Variants in PDE4D observed in about 807,000 individuals in gnomAD.
The protein encoded by PDE4D is phosphodiesterase 4D, also known as 3',5'-cyclic-AMP phosphodiesterase 4D.
Under a neutral mutation model 87.4 loss-of-function variants are expected in PDE4D, and 24 were observed. That is an observed-to-expected ratio of 0.27 (90% CI 0.20 to 0.39). PDE4D has a LOEUF of 0.39. PDE4D is among the 10% of genes least tolerant of loss of function. The pLI is 1.00. For synonymous variants in PDE4D, 384 were observed against 383.2 expected (o/e 1.00, Z -0.02); for missense variants, 714 against 1,041.0 (o/e 0.69, Z 4.32).
rs749466646 is a variant in PDE4D, at chr5:60,271,142, G to A, written c.-89-85455C>T. On this transcript the variant is annotated intron_variant, in intron 1 of 16. Coordinates refer to the PDE4D transcript ENST00000502484. ...TTCACATGCCAGGCACTGGTACTAG[G>A]TGCTGATGATACCATCAGCACATTT... Among the ~76,000 whole-genome samples, 29 of 152,092 alleles carry A rather than the reference G, an allele frequency of 1.9e-4. 1 individual carries two copies. The highest frequency in any genetic ancestry group is 7.4e-5 in the Non-Finnish European group (5 of 68,002).
At chr5:60,425,061 A>G (rs560566039) in intron 1 of PDE4D, among the ~76,000 whole-genome samples, 1 of 152,320 alleles carries the variant, frequency 6.6e-6, no homozygotes, top group Admixed American at 6.5e-5. Flanking sequence ...AGAACGTTCC[A>G]TGCTTATGGA....
chr5:59,061,926 C>T (rs977438646), intron 5 of PDE4D, among the ~76,000 whole-genome samples: 1 of 151,952 alleles, frequency 6.6e-6, no homozygotes, highest in African/African-American at 2.4e-5. Flanking sequence ...AAGTAGAGAC[C>T]TTCACTGAAA....
intron 1 of PDE4D, among the ~76,000 whole-genome samples, chr5:59,566,877 GA>G (rs11338647): frequency 0.7 from 105,079 of 150,680 alleles, 36,646 homozygotes; most frequent in South Asian, 0.8. Context: ...TCTGGACTAA[GA>G]AAAAAAAAAC....
At chr5:60,354,399 G>C (rs1759439318) in intron 1 of PDE4D, among the ~76,000 whole-genome samples, 1 of 152,272 alleles carries the variant, frequency 6.6e-6, no homozygotes, top group African/African-American at 2.4e-5. Context: ...AGTTAAGTTT[G>C]GCACACAGCA....
chr5:58,974,551 C>G lies in PDE4D; in HGVS notation c.*113G>C. On this transcript the variant is annotated 3_prime_UTR_variant, in exon 15 of 15. Transcript: ENST00000340635. ...AGTAGTCAAGGTCAGTTTTGTTCAACAAACGTCCTGGCAGATGACAGTGAG... is the reference window on the plus strand; with the variant it reads ...AGTAGTCAAGGTCAGTTTTGTTCAAGAAACGTCCTGGCAGATGACAGTGAG... 4.7e-6 allele frequency: 5 copies of G among 1,055,814 alleles called. No homozygotes were observed. Among genetic ancestry groups the G allele is most frequent in the Non-Finnish European group, 5.4e-6 (4 of 734,264 alleles). 65.4% of individuals were successfully genotyped at this position (1,055,814 alleles called of 1,614,324 possible).
At chr5:59,274,594 C>A (rs2153543200) in intron 1 of PDE4D, among the ~76,000 whole-genome samples, 1 of 152,068 alleles carries the variant, frequency 6.6e-6, no homozygotes, top group East Asian at 1.9e-4. Context: ...AGACTAACCC[C>A]TAAAATAGCC....
intron 3 of PDE4D, among the ~76,000 whole-genome samples, chr5:59,915,656 T>C (rs1366245895): frequency 1.3e-5 from 2 of 152,222 alleles, no homozygotes; most frequent in African/African-American, 4.8e-5. Context: ...TAAACATATA[T>C]GTATCACATA....
intron 1 of PDE4D, among the ~76,000 whole-genome samples, chr5:60,504,076 G>C (rs1750215566): frequency 6.6e-6 from 1 of 152,088 alleles, no homozygotes; most frequent in African/African-American, 2.4e-5. Flanking sequence ...AAAAAGAAAA[G>C]AAAGATGATA....
At chr5:59,062,028 T>G (rs1288635722) in intron 5 of PDE4D, among the ~76,000 whole-genome samples, 1 of 152,100 alleles carries the variant, frequency 6.6e-6, no homozygotes, top group African/African-American at 2.4e-5. Context: ...CAGCGTCCAC[T>G]CTGCTTCTCC....
chr5:59,854,588 C>G (rs963594626), intron 1 of PDE4D, among the ~76,000 whole-genome samples: 2 of 152,060 alleles, frequency 1.3e-5, no homozygotes, highest in Non-Finnish European at 2.9e-5. Flanking sequence ...ATATTTTCCT[C>G]TGAATTTATG....
intron 5 of PDE4D, chr5:59,179,814 C>G: frequency 3.4e-6 from 1 of 296,100 alleles, no homozygotes; most frequent in South Asian, 2.8e-5. Flanking sequence ...CATAGGTTTT[C>G]TTTTCCAGGC....
At chr5:59,898,937 G>A (rs1234833925) in intron 3 of PDE4D, among the ~76,000 whole-genome samples, 3 of 152,118 alleles carry the variant, frequency 2.0e-5, no homozygotes, top group Non-Finnish European at 4.4e-5. Flanking sequence ...TGAGAAGATG[G>A]GGTTGAGGGG....
At chr5:59,346,428 C>G (rs925797968) in intron 1 of PDE4D, among the ~76,000 whole-genome samples, 1 of 151,952 alleles carries the variant, frequency 6.6e-6, no homozygotes, top group African/African-American at 2.4e-5. Flanking sequence ...GGCAAGACTG[C>G]GAGACTTTTT....
intron 2 of PDE4D, among the ~76,000 whole-genome samples, chr5:60,118,561 T>TTTTGTGTGTGTGTG (rs1554162851): frequency 6.9e-6 from 1 of 144,210 alleles, no homozygotes; most frequent in African/African-American, 2.6e-5. Flanking sequence ...TGGATGTAGG[T>TTTTGTGTGTGTGTG]TGTGTGTGTG....
At chr5:59,057,462 GA>G (rs1277767144) in intron 5 of PDE4D, among the ~76,000 whole-genome samples, 2 of 152,192 alleles carry the variant, frequency 1.3e-5, no homozygotes, top group Non-Finnish European at 2.9e-5. Context: ...AGCAGTGCCT[GA>G]AAAATAGCAA....
chr5:59,616,918 CATATATATATAT>C (rs55821264), intron 1 of PDE4D, among the ~76,000 whole-genome samples: 1,433 of 62,934 alleles, frequency 0.023, 93 homozygotes, highest in Non-Finnish European at 0.034. Flanking sequence ...CTAATAATTA[CATATATATATAT>C]ATATATATAT....
intron 1 of PDE4D, among the ~76,000 whole-genome samples, chr5:59,595,683 C>A (rs1393530960): frequency 2.0e-5 from 3 of 152,252 alleles, no homozygotes; most frequent in Non-Finnish European, 4.4e-5. Flanking sequence ...TTATTATTCT[C>A]TTTAAAACTC....
intron 1 of PDE4D, among the ~76,000 whole-genome samples, chr5:59,700,502 G>GA (rs952012957): frequency 2.0e-5 from 3 of 152,038 alleles, no homozygotes; most frequent in South Asian, 4.1e-4. Context: ...TAATATGGGA[G>GA]AAAAAAATCA....
At chr5:60,518,260 GA>G (rs1750890611) in intron 1 of PDE4D, among the ~76,000 whole-genome samples, 1 of 152,240 alleles carries the variant, frequency 6.6e-6, no homozygotes, top group Admixed American at 6.5e-5. Context: ...CCAGTAGCGT[GA>G]GCCCAGCACA....
Sources: allele counts gnomAD v4.1 joint callset (sites outside exome capture counted in the v4.1 genomes callset), GRCh38; gene constraint gnomAD v4.1.1; transcripts MANE v1.5; gene names NCBI Gene and HGNC (gene_info 2026-07-23, HGNC 2026-07-21).